SKAP2: variants seen among roughly 807,000 people sequenced by gnomAD.
SKAP2 encodes src kinase associated phosphoprotein 2, also known as src kinase-associated phosphoprotein 2.
A neutral mutation model predicts 54.9 loss-of-function variants in SKAP2; 28 were observed. The observed-to-expected ratio is 0.51, with a 90% CI of 0.38 to 0.70. The LOEUF (loss-of-function observed/expected upper bound fraction) is 0.70. Among genes scored for constraint, SKAP2 ranks in the 30% least tolerant of loss-of-function variants. The probability of loss-of-function intolerance (pLI) is 0.00; values close to 1 mark genes in which losing one functional copy is unlikely to be tolerated. For synonymous variants in SKAP2, 137 were observed against 134.3 expected (o/e 1.02, Z -0.14); for missense variants, 356 against 424.1 (o/e 0.84, Z 1.41).
chr7:26,802,199 C>T (rs1783928392), intron 4 of SKAP2, among the ~76,000 whole-genome samples: 1 of 150,760 alleles, frequency 6.6e-6, no homozygotes, highest in South Asian at 2.1e-4. Context: ...AGCAAATCCA[C>T]ACACTTAGAG....
chr7:26,832,905 C>A (rs1434585706), intron 4 of SKAP2, among the ~76,000 whole-genome samples: 1 of 152,116 alleles, frequency 6.6e-6, no homozygotes, highest in African/African-American at 2.4e-5. Flanking sequence ...GTAATCAAAG[C>A]AGCTAGAACC....
intron 4 of SKAP2, among the ~76,000 whole-genome samples, chr7:26,830,854 T>A (rs1236782204): frequency 6.6e-6 from 1 of 152,184 alleles, no homozygotes; most frequent in African/African-American, 2.4e-5. Context: ...ATATACAGTT[T>A]TGCCCTAATC....
rs1562619128 is a variant in SKAP2, at chr7:26,809,139, CG to C, written c.307+34890del. 2.6e-5 allele frequency among the ~76,000 whole-genome samples: 4 copies of C among 152,220 alleles called. No homozygotes were observed. In the East Asian group the frequency reaches 7.7e-4, roughly 29 times the overall value. ...TCAATAAAAAAGTGGTCTGGCCGGGCGCGGTGGCTCACGCCTGTAATCCCAG... is the reference window on the plus strand; with the variant it reads ...TCAATAAAAAAGTGGTCTGGCCGGGCCGGTGGCTCACGCCTGTAATCCCAG... On this transcript the variant is annotated intron_variant, in intron 4 of 12. Coordinates refer to ENST00000345317, the MANE Select transcript of SKAP2 (RefSeq NM_003930.5).
At chr7:26,777,831 G>A (rs981763418) in intron 4 of SKAP2, among the ~76,000 whole-genome samples, 4 of 152,010 alleles carry the variant, frequency 2.6e-5, no homozygotes, top group African/African-American at 9.7e-5. Context: ...GTAAAAACAG[G>A]AAAACAGACC....
intron 9 of SKAP2, among the ~76,000 whole-genome samples, chr7:26,710,207 T>C (rs2299104): frequency 0.045 from 6,825 of 152,284 alleles, 362 homozygotes; most frequent in East Asian, 0.28. Flanking sequence ...CCAGGAAATA[T>C]AAGGTTTGAT....
chr7:26,755,832 C>T (rs988281428), intron 4 of SKAP2, among the ~76,000 whole-genome samples: 3 of 152,198 alleles, frequency 2.0e-5, no homozygotes, highest in African/African-American at 7.2e-5. Context: ...AAGAGATACT[C>T]GCATCTCCAC....
At chr7:26,765,000 T>C (rs897587636) in intron 4 of SKAP2, among the ~76,000 whole-genome samples, 13 of 152,212 alleles carry the variant, frequency 8.5e-5, no homozygotes, top group Non-Finnish European at 1.6e-4. Flanking sequence ...CACCCAGTAA[T>C]GGGATTAATG....
At chr7:26,831,983 A>T (rs1204525335) in intron 4 of SKAP2, among the ~76,000 whole-genome samples, 2 of 151,980 alleles carry the variant, frequency 1.3e-5, no homozygotes, top group Admixed American at 6.6e-5. Context: ...CTTGTCCCTC[A>T]TTCCCTTAAC....
intron 11 of SKAP2, among the ~76,000 whole-genome samples, chr7:26,680,860 G>A (rs1421664437): frequency 6.6e-6 from 1 of 152,048 alleles, no homozygotes; most frequent in Non-Finnish European, 1.5e-5. Flanking sequence ...GTTAAAAAGG[G>A]AAGGAGGAAG....
At chr7:26,809,108 C>A (rs1386647940) in intron 4 of SKAP2, among the ~76,000 whole-genome samples, 1 of 152,050 alleles carries the variant, frequency 6.6e-6, no homozygotes, top group Non-Finnish European at 1.5e-5. Context: ...AGTAGGAAAA[C>A]AAAACTCAAT....
intron 9 of SKAP2, among the ~76,000 whole-genome samples, chr7:26,696,040 TTA>T (rs1786887900): frequency 6.6e-6 from 1 of 152,116 alleles, no homozygotes; most frequent in African/African-American, 2.4e-5. Context: ...GTTGGAAAAG[TTA>T]GAGTCGAATC....
intron 4 of SKAP2, among the ~76,000 whole-genome samples, chr7:26,751,439 G>A (rs78219960): frequency 0.013 from 1,960 of 152,134 alleles, 31 homozygotes; most frequent in Non-Finnish European, 0.016. Context: ...GATTACTAAC[G>A]CAAATACGTT....
intron 4 of SKAP2, among the ~76,000 whole-genome samples, chr7:26,841,696 A>G (rs1432208148): frequency 6.6e-6 from 1 of 152,072 alleles, no homozygotes; most frequent in Non-Finnish European, 1.5e-5. Flanking sequence ...ATATTAAAGC[A>G]AAAGACAGAC....
In SKAP2 at chr7:26,693,332, C is replaced by CAAAA. The variant is rs34775523; in HGVS notation, c.797-2974_797-2971dup. Among the ~76,000 whole-genome samples, 5 of 79,872 alleles carry CAAAA rather than the reference C, an allele frequency of 6.3e-5. 1 individual carries two copies. Among genetic ancestry groups the CAAAA allele is most frequent in the African/African-American group, 8.6e-5 (2 of 23,192 alleles). 52.4% of individuals were successfully genotyped at this position (79,872 alleles called of 152,430 possible). A position where few individuals can be genotyped will look rare whatever the true frequency, so the allele number is the denominator to read the frequency against. On this transcript the variant is annotated intron_variant, in intron 9 of 12. Coordinates refer to ENST00000345317, the MANE Select transcript of SKAP2 (RefSeq NM_003930.5). ...GGGCGACAAGAGTGAAGCTCCATCT[C>CAAAA]AAAAAAAAAAAAAAAAAAAAAGAGA... is the stretch of plus-strand genomic sequence containing the variant.
intron 4 of SKAP2, among the ~76,000 whole-genome samples, chr7:26,809,368 G>A (rs1047183357): frequency 2.8e-4 from 43 of 151,334 alleles, no homozygotes; most frequent in African/African-American, 1.0e-3. Context: ...AGCCAAGATC[G>A]CACCATTGCA....
At chr7:26,792,344 A>G (rs1783688308) in intron 4 of SKAP2, among the ~76,000 whole-genome samples, 1 of 152,220 alleles carries the variant, frequency 6.6e-6, no homozygotes, top group African/African-American at 2.4e-5. Flanking sequence ...ATTTTATTGT[A>G]TGTAAATTAT....
intron 4 of SKAP2, among the ~76,000 whole-genome samples, chr7:26,773,419 T>C (rs1189286728): frequency 6.6e-6 from 1 of 152,218 alleles, no homozygotes; most frequent in Non-Finnish European, 1.5e-5. Flanking sequence ...GTTACAGGCT[T>C]TTCTCAGTTA....
intron 4 of SKAP2, among the ~76,000 whole-genome samples, chr7:26,839,546 T>C (rs1182360054): frequency 1.3e-5 from 2 of 152,110 alleles, no homozygotes; most frequent in Non-Finnish European, 2.9e-5. Flanking sequence ...ATTTTAGGTG[T>C]CAAAAATATG....
intron 4 of SKAP2, among the ~76,000 whole-genome samples, chr7:26,804,605 G>A (rs989830264): frequency 2.6e-5 from 4 of 151,972 alleles, no homozygotes; most frequent in Non-Finnish European, 4.4e-5. Context: ...CAGGCATGGT[G>A]GCACGCACCT....
Sources: allele counts gnomAD v4.1 joint callset (sites outside exome capture counted in the v4.1 genomes callset), GRCh38; gene constraint gnomAD v4.1.1; transcripts MANE v1.5; gene names NCBI Gene and HGNC (gene_info 2026-07-23, HGNC 2026-07-21).